UGGT1: variants seen among roughly 807,000 people sequenced by gnomAD.
UGGT1 encodes the protein UDP-glucose:glycoprotein glucosyltransferase 1.
In UGGT1, 107 loss-of-function variants were observed where a neutral mutation model predicts 203.9. That is an observed-to-expected ratio of 0.52 (90% CI 0.45 to 0.62). The LOEUF (loss-of-function observed/expected upper bound fraction) is 0.62, where lower values mean the gene tolerates loss of function less well. UGGT1 is among the 20% of genes least tolerant of loss of function. UGGT1 has a pLI of 0.00. For missense variants in UGGT1, 1,673 were observed against 1,867.2 expected (o/e 0.90, Z 1.92); for synonymous variants, 628 against 653.5 (o/e 0.96, Z 0.59).
intron 2 of UGGT1, among the ~76,000 whole-genome samples, chr2:128,102,130 G>A (rs1255070512): frequency 6.6e-6 from 1 of 151,402 alleles, no homozygotes; most frequent in Non-Finnish European, 1.5e-5. Context: ...ACATCATATA[G>A]TTTGTAAAAT....
intron 15 of UGGT1, among the ~76,000 whole-genome samples, chr2:128,135,792 C>A (rs553871695): frequency 6.6e-6 from 1 of 152,220 alleles, no homozygotes; most frequent in African/African-American, 2.4e-5. Context: ...TTTGGGAAGC[C>A]AAAGGTTTTT....
intron 8 of UGGT1, among the ~76,000 whole-genome samples, chr2:128,116,879 G>A (rs561760058): frequency 1.9e-4 from 29 of 152,140 alleles, no homozygotes; most frequent in African/African-American, 6.7e-4. Flanking sequence ...GTTTAAGTGC[G>A]TTTTTCTTGC....
chr2:128,185,332 T>A (rs1247168184), intron 38 of UGGT1, among the ~76,000 whole-genome samples: 1 of 151,106 alleles, frequency 6.6e-6, no homozygotes, highest in Non-Finnish European at 1.5e-5. Context: ...CACACCCAGC[T>A]AATTTTTCTG....
intron 7 of UGGT1, 124 bp from the exon 8 acceptor site, chr2:128,116,141 T>C (rs972202953): frequency 1.7e-6 from 1 of 590,300 alleles, no homozygotes; most frequent in South Asian, 2.5e-5. Context: ...TTTTAAATGG[T>C]ATAATTTCAG....
At chr2:128,141,313 G>T (rs1238569451) in intron 16 of UGGT1, among the ~76,000 whole-genome samples, 1 of 151,878 alleles carries the variant, frequency 6.6e-6, no homozygotes, top group African/African-American at 2.4e-5. Context: ...ACAAAAATTG[G>T]GCCGGGCACG....
In UGGT1 at chr2:128,097,426, T is replaced by C. The variant is rs1687162957; in HGVS notation, c.59-3T>C. The C allele has an allele frequency of 1.9e-6, 3 of 1,601,146 alleles. No homozygotes were observed. Among genetic ancestry groups the C allele is most frequent in the East Asian group, 2.2e-5 (1 of 44,858 alleles). On this transcript the variant is annotated splice_region_variant and splice_polypyrimidine_tract_variant and intron_variant, in intron 1 of 40. Transcript: ENST00000259253. Reference sequence around the variant, plus strand: ...AAAACTTCTTTTCTTTTTTTCCTTTTAGGAGTTTGCTATAAAATGGGAGTT... The same window carrying C: ...AAAACTTCTTTTCTTTTTTTCCTTTCAGGAGTTTGCTATAAAATGGGAGTT...
At chr2:128,187,691 A>G (rs1692053924) in intron 40 of UGGT1, 77 bp downstream of exon 40, 1 of 1,417,154 alleles carries the variant, frequency 7.1e-7, no homozygotes. Context: ...ACAATAGAAT[A>G]ATGGATAAAA....
intron 3 of UGGT1, among the ~76,000 whole-genome samples, chr2:128,104,641 TA>T (rs1430247409): frequency 5.3e-5 from 8 of 152,178 alleles, no homozygotes; most frequent in Non-Finnish European, 8.8e-5. Flanking sequence ...AGGTTATTAT[TA>T]TTTTTTTTTA....
intron 39 of UGGT1, 95 bp from the exon 40 acceptor site, chr2:128,187,354 T>C (rs1692031423): frequency 2.9e-6 from 4 of 1,373,726 alleles, no homozygotes; most frequent in Non-Finnish European, 3.9e-6. Context: ...TATTGTTTTC[T>C]TGTCCAGTTA....
At chr2:128,181,155 T>C (rs889097083) in intron 36 of UGGT1, 83 bp downstream of exon 36, 31 of 1,317,816 alleles carry the variant, frequency 2.4e-5, no homozygotes, top group Admixed American at 8.4e-5. Flanking sequence ...TTTCCACTTA[T>C]GGAAAAGGAC....
At chr2:128,128,735 A>G (rs1688734046) in intron 12 of UGGT1, among the ~76,000 whole-genome samples, 1 of 152,234 alleles carries the variant, frequency 6.6e-6, no homozygotes, top group Non-Finnish European at 1.5e-5. Context: ...AACATATATT[A>G]AGCATATATA....
intron 19 of UGGT1, among the ~76,000 whole-genome samples, 178 bp downstream of exon 19, chr2:128,153,082 A>T (rs901449384): frequency 4.7e-5 from 7 of 149,156 alleles, no homozygotes; most frequent in African/African-American, 1.7e-4. Context: ...TGAGATTCTA[A>T]ATTCACAAGA....
At chr2:128,101,340 C>T (rs1246841605) in intron 2 of UGGT1, among the ~76,000 whole-genome samples, 3 of 152,184 alleles carry the variant, frequency 2.0e-5, no homozygotes, top group Non-Finnish European at 4.4e-5. Flanking sequence ...GCCTTCCTTG[C>T]ATCTATCCCT....
intron 5 of UGGT1, among the ~76,000 whole-genome samples, chr2:128,112,454 T>TATATATATATATATA (rs1553433490): frequency 1.8e-5 from 1 of 55,812 alleles, no homozygotes; most frequent in African/African-American, 5.3e-5. Flanking sequence ...AAATACTATG[T>TATATATATATATATA]TATATATATA....
In UGGT1 at chr2:128,145,911, A is replaced by C. The variant is rs1043231836; in HGVS notation, c.1960A>C (p.Ile654Leu). 1 of 1,614,078 alleles carries C rather than the reference A, an allele frequency of 6.2e-7. No individual in the cohort carries two copies. Among genetic ancestry groups the C allele is most frequent in the Non-Finnish European group, 8.5e-7 (1 of 1,180,028 alleles). ...GCTAGACCCTGATGAGTTAGAAACC[A>C]TCACAATGCATAAAATCCTGGAGAC... ...EQLDPDELET[I>L]TMHKILETTT... is the part of the protein sequence containing the mutation. Residue 654 changes from isoleucine to leucine, a missense_variant, in exon 18 of 41, where the codon ATC (isoleucine) becomes CTC (leucine). Ile to Leu is a conservative substitution (Grantham distance 5). Around this residue, in one of 4 missense-constraint regions of UGGT1, gnomAD observed 1,073 missense variants for 1,078.7 expected, o/e 0.99. Coordinates refer to ENST00000259253, the MANE Select transcript of UGGT1 (RefSeq NM_020120.4).
At chr2:128,166,780 A>G (rs913453673) in intron 26 of UGGT1, among the ~76,000 whole-genome samples, 2 of 152,212 alleles carry the variant, frequency 1.3e-5, no homozygotes, top group Admixed American at 6.5e-5. Flanking sequence ...TGGCAAGTAT[A>G]TACATATACA....
intron 5 of UGGT1, among the ~76,000 whole-genome samples, chr2:128,110,886 T>C (rs576267177): frequency 6.6e-6 from 1 of 152,318 alleles, no homozygotes; most frequent in East Asian, 1.9e-4. Context: ...TTTCCTCCTG[T>C]TACAATAAGG....
chr2:128,126,035 C>T (rs544797890), intron 11 of UGGT1, among the ~76,000 whole-genome samples: 174 of 151,402 alleles, frequency 1.1e-3, no homozygotes, highest in Non-Finnish European at 1.9e-3. Context: ...CTTCGCCTCC[C>T]GGTTCAAGTG....
intron 14 of UGGT1, among the ~76,000 whole-genome samples, chr2:128,133,900 C>G (rs950060708): frequency 3.9e-5 from 6 of 151,966 alleles, no homozygotes; most frequent in African/African-American, 1.5e-4. Context: ...CTTCATTGGC[C>G]CACTTTTTCC....
Sources: gnomAD v4.1 joint callset for allele counts (sites outside exome capture counted in the v4.1 genomes callset) on GRCh38, gnomAD v4.1.1 for gene constraint, gnomAD v4.1.1 regional missense constraint, MANE v1.5 for transcripts, NCBI Gene and HGNC (gene_info 2026-07-23, HGNC 2026-07-21) for gene names.